AVEN: variants seen among roughly 807,000 people sequenced by gnomAD.
AVEN encodes the protein cell death regulator Aven.
AVEN carries 41 observed loss-of-function variants against 38.1 expected under a neutral mutation model. The observed-to-expected ratio is 1.08, with a 90% CI of 0.84 to 1.40. The LOEUF (loss-of-function observed/expected upper bound fraction) is 1.40. AVEN is among the 40% of genes most tolerant of loss of function. AVEN has a pLI of 0.00. For missense variants in AVEN, 605 were observed against 438.8 expected (o/e 1.38, Z -3.38); for synonymous variants, 206 against 171.8 (o/e 1.20, Z -1.56).
chr15:33,891,623 C>G (rs1486455522), intron 2 of AVEN, among the ~76,000 whole-genome samples: 3 of 152,300 alleles, frequency 2.0e-5, no homozygotes, highest in African/African-American at 7.2e-5. Context: ...TCAATCCAGT[C>G]TATCAATGAT....
chr15:33,860,217 G>T (rs2080192487), intron 11 of AVEN, among the ~76,000 whole-genome samples: 1 of 152,218 alleles, frequency 6.6e-6, no homozygotes, highest in Non-Finnish European at 1.5e-5. Context: ...TGAGGGCTAA[G>T]AAGTGAAGTA....
chr15:33,865,010 G>T, downstream of AVEN: 1 of 679,996 alleles, frequency 1.5e-6, no homozygotes. Flanking sequence ...GAATGTGCAG[G>T]TTTGGCCTCA....
At chr15:33,991,190 T>C (rs995005776) in intron 2 of AVEN, 3 of 152,182 alleles carry the variant, frequency 2.0e-5, no homozygotes, top group African/African-American at 7.2e-5. Context: ...ACACGTGCAG[T>C]GTTTGACGGT....
chr15:33,891,402 G>A (rs1439931693), intron 2 of AVEN, among the ~76,000 whole-genome samples: 1 of 152,012 alleles, frequency 6.6e-6, no homozygotes, highest in Non-Finnish European at 1.5e-5. Flanking sequence ...CCCCTGACGG[G>A]CCCTGGTGTA....
At chr15:33,987,918 T>C (rs1393854118) in intron 2 of AVEN, among the ~76,000 whole-genome samples, 2 of 152,308 alleles carry the variant, frequency 1.3e-5, no homozygotes, top group East Asian at 1.9e-4. Context: ...CCCTGGGTTA[T>C]GGCCACACAG....
intron 5 of AVEN, chr15:34,062,787 C>A (rs571543498): frequency 6.2e-7 from 1 of 1,614,044 alleles, no homozygotes; most frequent in Non-Finnish European, 8.5e-7. Flanking sequence ...GCCTTTGGAA[C>A]GCCACAGGTT....
At chr15:34,013,331 G>GGATTACAA (rs1373230130) in intron 1 of AVEN, among the ~76,000 whole-genome samples, 1 of 152,172 alleles carries the variant, frequency 6.6e-6, no homozygotes, top group Non-Finnish European at 1.5e-5. Context: ...CAAAGTGCTA[G>GGATTACAA]GATTACAAGT....
At chr15:33,922,146 A>G (rs549857) in intron 2 of AVEN, among the ~76,000 whole-genome samples, 106,875 of 152,074 alleles carry the variant, frequency 0.7, 37,758 homozygotes, top group East Asian at 0.81. Context: ...GGAATCTTTC[A>G]ATATAGGGAG....
At chr15:34,053,319 A>AAAAAAATATATATATATATAT (rs775436850) in intron 5 of AVEN, among the ~76,000 whole-genome samples, 1 of 42,104 alleles carries the variant, frequency 2.4e-5, no homozygotes, top group African/African-American at 8.0e-5. Flanking sequence ...AAAAAAAAAA[A>AAAAAAATATATATATATATAT]ATATATATAT....
At chr15:33,970,825 T>C (rs558402659) in intron 2 of AVEN, among the ~76,000 whole-genome samples, 1 of 152,088 alleles carries the variant, frequency 6.6e-6, no homozygotes, top group Admixed American at 6.6e-5. Flanking sequence ...TCCCACTAAT[T>C]TGGGGGCTTT....
chr15:33,924,440 C>A (rs989672572), intron 2 of AVEN, among the ~76,000 whole-genome samples: 1 of 152,044 alleles, frequency 6.6e-6, no homozygotes, highest in African/African-American at 2.4e-5. Flanking sequence ...GGTGATGTTT[C>A]CACCTCAGCC....
At chr15:34,047,710 G>A (rs1899763068) in intron 5 of AVEN, among the ~76,000 whole-genome samples, 1 of 152,182 alleles carries the variant, frequency 6.6e-6, no homozygotes, top group Admixed American at 6.5e-5. Flanking sequence ...CGCAAGCACA[G>A]CTGCTTTGTC....
chr15:33,922,981 T>A (rs1387744787), intron 2 of AVEN, among the ~76,000 whole-genome samples: 1 of 152,214 alleles, frequency 6.6e-6, no homozygotes, highest in East Asian at 1.9e-4. Flanking sequence ...CAGTTTCTCA[T>A]GTATATGTGT....
downstream of AVEN, among the ~76,000 whole-genome samples, chr15:33,863,097 G>A (rs1249288891): frequency 6.6e-6 from 1 of 152,136 alleles, no homozygotes; most frequent in African/African-American, 2.4e-5. Context: ...AACCCCTTCT[G>A]TGCCTTCCCA....
downstream of AVEN, chr15:33,858,089 T>A (rs560891841): frequency 4.2e-5 from 36 of 855,924 alleles, no homozygotes; most frequent in Non-Finnish European, 5.9e-5. Flanking sequence ...GAGAGTGTCC[T>A]GGGAAGACAG....
chr15:34,071,173 G>A (rs981063897), intron 1 of AVEN, among the ~76,000 whole-genome samples: 3 of 152,120 alleles, frequency 2.0e-5, no homozygotes, highest in African/African-American at 4.8e-5. Flanking sequence ...TTGCATGAAT[G>A]GATCTTTAGT....
chr15:33,866,671 G>A lies in AVEN; in HGVS notation c.1031C>T (p.Thr344Ile), dbSNP rs1292013770. The A allele has an allele frequency of 2.5e-6, 4 of 1,614,020 alleles. No individual in the cohort carries two copies. The highest frequency in any genetic ancestry group is 1.6e-4 in the Middle Eastern group (1 of 6,062). ...CTCTTCCTCGGTAACATTTTTGGAG[G>A]TACTTGGTTGCTCAGGTTCCATGTT... is the stretch of plus-strand genomic sequence containing the variant. ...EKNMEPEQPS[T>I]SKNVTEEELE... The change falls in exon 6 of 6, where the codon ACC (threonine) becomes ATC (isoleucine). Residue 344 changes from threonine to isoleucine, a missense_variant. Physicochemically the swap from Thr to Ile is moderately conservative, Grantham distance 89 (BLOSUM62 -1). Coordinates refer to ENST00000306730, the MANE Select transcript of AVEN (RefSeq NM_020371.3).
chr15:33,951,081 GT>G (rs1300263720), intron 2 of AVEN, among the ~76,000 whole-genome samples: 2 of 150,208 alleles, frequency 1.3e-5, no homozygotes, highest in African/African-American at 4.9e-5. Flanking sequence ...GAAGAGGCGA[GT>G]GGGGGGAGGA....
chr15:33,862,424 C>A (rs914132110), downstream of AVEN, among the ~76,000 whole-genome samples: 1 of 151,672 alleles, frequency 6.6e-6, no homozygotes, highest in Admixed American at 6.6e-5. Context: ...CCAGGCTGAT[C>A]TCGAACTCCT....
Sources: gnomAD v4.1 joint callset for allele counts (sites outside exome capture counted in the v4.1 genomes callset) on GRCh38, gnomAD v4.1.1 for gene constraint, MANE v1.5 for transcripts, NCBI Gene and HGNC (gene_info 2026-07-23, HGNC 2026-07-21) for gene names.